The following TAS2R1 variants were observed in gnomAD, a reference collection of about 807,000 sequenced individuals.
The protein encoded by TAS2R1 is taste 2 receptor member 1.
For missense variants in TAS2R1, 370 were observed against 353.4 expected (o/e 1.05, Z -0.38); for synonymous variants, 141 against 134.2 (o/e 1.05, Z -0.35).
At chr5:9,719,605 A>C in the TAS2R1 span, among the ~76,000 whole-genome samples, 1 of 151,876 alleles carries the variant, frequency 6.6e-6, no homozygotes, top group African/African-American at 2.4e-5. Context: ...GCAGCACTGG[A>C]CTCTTCTGGC....
chr5:9,889,968 G>T, the TAS2R1 span: 1 of 152,318 alleles, frequency 6.6e-6, no homozygotes, highest in East Asian at 1.9e-4. Context: ...CAAGTAAAAT[G>T]TCGGGTGGGC....
the TAS2R1 span, among the ~76,000 whole-genome samples, chr5:9,851,891 A>G: frequency 2.0e-5 from 3 of 152,202 alleles, no homozygotes; most frequent in Non-Finnish European, 2.9e-5. Context: ...CAGTCTGTTT[A>G]TTGTCTGCCT....
At chr5:9,642,361 A>C (rs1740102949) in intron 2 of TAS2R1, among the ~76,000 whole-genome samples, 1 of 152,224 alleles carries the variant, frequency 6.6e-6, no homozygotes, top group African/African-American at 2.4e-5. Flanking sequence ...ATATTTAATA[A>C]GATCATTCAA....
the TAS2R1 span, among the ~76,000 whole-genome samples, chr5:9,763,900 A>G: frequency 6.6e-6 from 1 of 152,230 alleles, no homozygotes; most frequent in Non-Finnish European, 1.5e-5. Context: ...TAGTAAAACA[A>G]TATGGAAAAT....
chr5:9,753,315 T>C, the TAS2R1 span, among the ~76,000 whole-genome samples: 1 of 152,272 alleles, frequency 6.6e-6, no homozygotes, highest in Non-Finnish European at 1.5e-5. Flanking sequence ...ATAAGCATTT[T>C]TTCATGTGTC....
the TAS2R1 span, among the ~76,000 whole-genome samples, chr5:9,762,311 AAGGCACAAAAC>A: frequency 6.6e-6 from 1 of 152,214 alleles, no homozygotes; most frequent in African/African-American, 2.4e-5. Context: ...TCTGCAAATA[AAGGCACAAAAC>A]AGGATATTGT....
At chr5:9,893,016 T>C in the TAS2R1 span, among the ~76,000 whole-genome samples, 1 of 152,182 alleles carries the variant, frequency 6.6e-6, no homozygotes, top group Non-Finnish European at 1.5e-5. Context: ...CTTTATAAAC[T>C]ACCAATGACT....
At chr5:9,706,420 C>T (rs527625177) in intron 1 of TAS2R1, among the ~76,000 whole-genome samples, 1 of 152,300 alleles carries the variant, frequency 6.6e-6, no homozygotes, top group South Asian at 2.1e-4. Context: ...CGGGGTCTTC[C>T]GAGCAATTCC....
chr5:9,863,335 A>C, the TAS2R1 span, among the ~76,000 whole-genome samples: 3,293 of 143,534 alleles, frequency 0.023, 108 homozygotes, highest in African/African-American at 0.079. Flanking sequence ...TAGCGTGATG[A>C]TCTCGGCTCA....
intron 2 of TAS2R1, among the ~76,000 whole-genome samples, chr5:9,651,187 T>G (rs1024126515): frequency 2.0e-5 from 3 of 152,200 alleles, no homozygotes; most frequent in African/African-American, 7.2e-5. Flanking sequence ...AGACAGATGC[T>G]CTCAAGGTGA....
chr5:9,644,180 C>A (rs1740142455), intron 2 of TAS2R1, among the ~76,000 whole-genome samples: 1 of 152,122 alleles, frequency 6.6e-6, no homozygotes, highest in Admixed American at 6.5e-5. Flanking sequence ...TTATATCCTA[C>A]AACATTTACT....
chr5:9,704,134 T>C (rs1426866730), intron 1 of TAS2R1, among the ~76,000 whole-genome samples: 2 of 152,290 alleles, frequency 1.3e-5, no homozygotes, highest in Non-Finnish European at 2.9e-5. Context: ...AGAACTGAGG[T>C]GCAGCGATTC....
chr5:9,748,145 G>C, the TAS2R1 span, among the ~76,000 whole-genome samples: 1 of 152,076 alleles, frequency 6.6e-6, no homozygotes, highest in Non-Finnish European at 1.5e-5. Flanking sequence ...ATTTTGAAAG[G>C]AGAGCTATTC....
chr5:9,897,988 C>A, the TAS2R1 span, among the ~76,000 whole-genome samples: 1 of 152,172 alleles, frequency 6.6e-6, no homozygotes, highest in Non-Finnish European at 1.5e-5. Flanking sequence ...AATTTCATAA[C>A]AATGTATTTT....
chr5:9,645,969 T>A (rs1740178728), intron 2 of TAS2R1, among the ~76,000 whole-genome samples: 1 of 152,176 alleles, frequency 6.6e-6, no homozygotes, highest in Non-Finnish European at 1.5e-5. Context: ...TTTTGTCACA[T>A]TGGGTGTGCT....
chr5:9,901,321 G>A, the TAS2R1 span, among the ~76,000 whole-genome samples: 6 of 152,012 alleles, frequency 3.9e-5, no homozygotes, highest in Non-Finnish European at 7.4e-5. Flanking sequence ...TACAGAAAGC[G>A]ACTCTGGTGA....
chr5:9,699,219 C>T (rs941014344), intron 1 of TAS2R1, among the ~76,000 whole-genome samples: 4 of 152,208 alleles, frequency 2.6e-5, no homozygotes, highest in Admixed American at 6.5e-5. Context: ...ATTAGAATAT[C>T]TATTTCATGT....
At chr5:9,893,124 G>A in the TAS2R1 span, among the ~76,000 whole-genome samples, 2 of 152,020 alleles carry the variant, frequency 1.3e-5, no homozygotes, top group South Asian at 2.1e-4. Context: ...TGCAACCAGA[G>A]AGAAGGGCTC....
the TAS2R1 span, among the ~76,000 whole-genome samples, chr5:9,835,006 G>T: frequency 6.6e-6 from 1 of 152,142 alleles, no homozygotes; most frequent in Non-Finnish European, 1.5e-5. Context: ...CGCCTGAGCT[G>T]CCCAGCAACA....
Sources: gnomAD v4.1 joint callset for allele counts (sites outside exome capture counted in the v4.1 genomes callset) on GRCh38, gnomAD v4.1.1 for gene constraint, MANE v1.5 for transcripts, NCBI Gene and HGNC (gene_info 2026-07-23, HGNC 2026-07-21) for gene names.